CRB2: variants seen among roughly 807,000 people sequenced by gnomAD.
CRB2 encodes the protein crumbs cell polarity complex component 2, also known as protein crumbs homolog 2.
Under a neutral mutation model 110.9 loss-of-function variants are expected in CRB2, and 85 were observed. The observed-to-expected ratio is 0.77, with a 90% confidence interval of 0.64 to 0.92. The LOEUF (loss-of-function observed/expected upper bound fraction) is 0.92, where lower values mean the gene tolerates loss of function less well. Ranked by LOEUF, CRB2 falls within the 40% of genes least tolerant of loss-of-function variation. The pLI is 0.00. For missense variants in CRB2, 1,843 were observed against 1,851.3 expected (o/e 1.00, Z 0.08); for synonymous variants, 907 against 831.0 (o/e 1.09, Z -1.57).
At chr9:123,374,779 C>A in intron 11 of CRB2, 84 bp downstream of exon 11, 1 of 897,856 alleles carries the variant, frequency 1.1e-6, no homozygotes, top group South Asian at 1.5e-5. Flanking sequence ...CGGGGGTCCT[C>A]GCCCACCTTC....
At chr9:123,368,978 A>C (rs2041977377) in intron 6 of CRB2, 1 of 1,182,512 alleles carries the variant, frequency 8.5e-7, no homozygotes, top group Non-Finnish European at 1.1e-6. Flanking sequence ...GGGCAGGGGG[A>C]GGTTGGTGGG....
chr9:123,366,475 C>T (rs1164148039), intron 4 of CRB2, 109 bp downstream of exon 4: 3 of 1,331,782 alleles, frequency 2.3e-6, no homozygotes, highest in African/African-American at 3.1e-5. Context: ...CCGCTGGGTC[C>T]TCGGGACCAG....
chr9:123,368,890 T>C, intron 6 of CRB2: 1 of 1,271,570 alleles, frequency 7.9e-7, no homozygotes, highest in Non-Finnish European at 1.0e-6. Context: ...CTGGAGGGCA[T>C]GGCAATGGAG....
chr9:123,367,558 C>G lies in CRB2; in HGVS notation c.941-15C>G, dbSNP rs2041955080. ...CTGAGGGTGCAGGTGGGACCCACAGCTGGGCCTCTTACAGGAGCCGACTGC... is the reference window on the plus strand; with the variant it reads ...CTGAGGGTGCAGGTGGGACCCACAGGTGGGCCTCTTACAGGAGCCGACTGC... On this transcript the variant is annotated splice_polypyrimidine_tract_variant and intron_variant, in intron 5 of 12. Coordinates refer to ENST00000373631, the MANE Select transcript of CRB2 (RefSeq NM_173689.7). The G allele has an allele frequency of 2.6e-6, 4 of 1,545,842 alleles. No individual in the cohort carries two copies. The highest frequency in any genetic ancestry group is 3.5e-6 in the Non-Finnish European group (4 of 1,144,410).
chr9:123,377,204 T>G lies in CRB2; in HGVS notation c.*142T>G. ...AGCCTCTGCCTCTGCCTCTGCCCCA[T>G]CCTGGATGGAGGACGAGGGGAGCAA... On this transcript the variant is annotated 3_prime_UTR_variant, in exon 13 of 13. Coordinates refer to ENST00000373631, the MANE Select transcript of CRB2 (RefSeq NM_173689.7). The G allele has an allele frequency of 1.3e-6, 1 of 772,754 alleles. No individual in the cohort carries two copies. The highest frequency in any genetic ancestry group is 2.0e-6 in the Non-Finnish European group (1 of 495,698). 47.9% of individuals were successfully genotyped at this position (772,754 alleles called of 1,614,324 possible).
At position 123,370,333 on chromosome 9, in the gene CRB2, C is replaced by T. The variant is rs753596312; in HGVS notation, c.1280C>T (p.Pro427Leu). The stretch of plus-strand genomic sequence containing the variant: ...GTCCACAGTTACGTCTGCCACTGCC[C>T]ACCTGGTACCCATGGACCGTTCTGT... Reference protein sequence around the residue: ...SGVHSYVCHCPPGTHGPFCGQ... With the variant: ...SGVHSYVCHCLPGTHGPFCGQ... The change falls in exon 7 of 13, where the codon CCA becomes CTA. Residue 427 changes from proline (P) to leucine (L), a missense_variant. By Grantham distance (98) the Pro-to-Leu change is moderately conservative. Transcript: ENST00000373631. 1.9e-6 allele frequency: 3 copies of T among 1,613,730 alleles called. No homozygotes were observed. Among genetic ancestry groups the T allele is most frequent in the East Asian group, 2.2e-5 (1 of 44,896 alleles).
chr9:123,376,390 C>T (rs561946666), intron 12 of CRB2, among the ~76,000 whole-genome samples: 10 of 152,268 alleles, frequency 6.6e-5, no homozygotes, highest in Admixed American at 3.3e-4. Context: ...GGCCGAGGCT[C>T]GCAGGGACAA....
intron 2 of CRB2, among the ~76,000 whole-genome samples, chr9:123,365,299 A>T (rs1347883755): frequency 6.6e-6 from 1 of 152,028 alleles, no homozygotes; most frequent in African/African-American, 2.4e-5. Context: ...CAAAACAACT[A>T]ACTAAAATGT....
intron 7 of CRB2, 39 bp downstream of exon 7, chr9:123,371,019 C>G: frequency 6.3e-7 from 1 of 1,595,256 alleles, no homozygotes; most frequent in Non-Finnish European, 8.6e-7. Flanking sequence ...CACCTGAGAT[C>G]TGCCTCCCTC....
chr9:123,359,598 A>AC (rs2041844049), intron 1 of CRB2, among the ~76,000 whole-genome samples: 1 of 150,878 alleles, frequency 6.6e-6, no homozygotes, highest in African/African-American at 2.4e-5. Context: ...ACAGGGACCC[A>AC]CCCCATGCTT....
chr9:123,368,214 G>C (rs1304195141), intron 6 of CRB2, among the ~76,000 whole-genome samples: 2 of 152,204 alleles, frequency 1.3e-5, no homozygotes, highest in South Asian at 2.1e-4. Flanking sequence ...ACACCCGCCC[G>C]CATTCCTGCT....
intron 12 of CRB2, 43 bp from the exon 13 acceptor site, chr9:123,376,795 C>A (rs780719968): frequency 1.3e-6 from 2 of 1,550,368 alleles, no homozygotes; most frequent in Non-Finnish European, 1.8e-6. Flanking sequence ...CGGCGTCCTC[C>A]CCTTCTCTGC....
At position 123,374,607 on chromosome 9, in the gene CRB2, C is replaced by T. The variant is rs779144194; in HGVS notation, c.3418C>T (p.Leu1140=). ...GCCTGTCCCATCCAAGGAGTGCAGC[C>T]TGAATGTCACCTGCCTCGATGGCAG... The part of the protein sequence containing the change: ...RLPVPSKECS[L]NVTCLDGSPC... The change falls in exon 11 of 13, where the codon CTG becomes TTG. Residue 1140 remains leucine, a synonymous_variant. Coordinates refer to ENST00000373631, the MANE Select transcript of CRB2 (RefSeq NM_173689.7). 6.2e-7 allele frequency: 1 copy of T among 1,613,538 alleles called. No homozygotes were observed. Among genetic ancestry groups the T allele is most frequent in the Admixed American group, 1.7e-5 (1 of 60,010 alleles).
intron 3 of CRB2, 47 bp from the exon 4 acceptor site, chr9:123,366,180 C>T (rs1345816763): frequency 1.4e-6 from 2 of 1,381,440 alleles, no homozygotes; most frequent in African/African-American, 1.5e-5. Flanking sequence ...AGGCGCGGGG[C>T]AGAAGGGGCA....
At chr9:123,373,000 G>A (rs1011255226) in intron 9 of CRB2, 134 bp from the exon 10 acceptor site, 45 of 700,120 alleles carry the variant, frequency 6.4e-5, no homozygotes, top group Non-Finnish European at 9.7e-5. Context: ...GCAGTTTCCA[G>A]GATTAGATGA....
At chr9:123,362,047 G>A (rs1008569871) in intron 1 of CRB2, among the ~76,000 whole-genome samples, 3 of 152,224 alleles carry the variant, frequency 2.0e-5, no homozygotes, top group African/African-American at 4.8e-5. Flanking sequence ...TACCTGCTCT[G>A]TACCATGCGA....
At chr9:123,376,575 G>A (rs1298119093) in intron 12 of CRB2, among the ~76,000 whole-genome samples, 2 of 152,094 alleles carry the variant, frequency 1.3e-5, no homozygotes, top group Non-Finnish European at 2.9e-5. Context: ...AGCTCCTGCC[G>A]GGTGTTCAAT....
Position 123,373,538 on chromosome 9 carries a change from C to A in CRB2, c.3007C>A (p.Arg1003Ser). 1 of 1,486,250 alleles carries A rather than the reference C, an allele frequency of 6.7e-7. No individual in the cohort carries two copies. The highest frequency in any genetic ancestry group is 8.9e-7 in the Non-Finnish European group (1 of 1,123,462). The allele number at this position is 1,486,250 out of a possible 1,614,324, so 92.1% of individuals were successfully genotyped here. A position where few individuals can be genotyped will look rare whatever the true frequency, so the allele number is the denominator to read the frequency against. ...CTTCCTGCAGGGCCCGGGTGCTGTG[C>A]GCATCCTGCTGGCTGAGAACTTCAC... ...LGFLQGPGAV[R>S]ILLAENFTGC... Residue 1003 changes from arginine to serine, a missense_variant, in exon 10 of 13, where the codon CGC (arginine) becomes AGC (serine). By Grantham distance (110) the Arg-to-Ser change is moderately radical. Transcript: ENST00000373631.
At chr9:123,354,093 G>T (rs912366931), upstream of CRB2, among the ~76,000 whole-genome samples, 1 of 152,200 alleles carries the variant, frequency 6.6e-6, no homozygotes, top group African/African-American at 2.4e-5. Context: ...AAGATGGTGT[G>T]CCCTTGTCTG....
Sources: allele counts gnomAD v4.1 joint callset (sites outside exome capture counted in the v4.1 genomes callset), GRCh38; gene constraint gnomAD v4.1.1; transcripts MANE v1.5; gene names NCBI Gene and HGNC (gene_info 2026-07-23, HGNC 2026-07-21).